Variants in KRT14 observed in about 807,000 individuals in gnomAD.
KRT14 encodes keratin 14.
A neutral mutation model predicts 44.5 loss-of-function variants in KRT14; 30 were observed. The ratio of observed to expected loss-of-function variants is 0.67; its 90% CI spans 0.50 to 0.92. The LOEUF is 0.92. Ranked by LOEUF, KRT14 falls within the 40% of genes least tolerant of loss-of-function variation. The probability of loss-of-function intolerance (pLI) is 0.00; values close to 1 mark genes in which losing one functional copy is unlikely to be tolerated. For synonymous variants in KRT14, 241 were observed against 257.6 expected (o/e 0.94, Z 0.62); for missense variants, 535 against 640.6 (o/e 0.84, Z 1.78).
chr17:41,583,888 C>G lies in KRT14; in HGVS notation c.799G>C (p.Asp267His). Reference sequence around the variant, plus strand: ...GCAGCGTCCATCTCCACATTGACATCTCCACCCACCTGGCCTCTCAGGGCA... The same window carrying G: ...GCAGCGTCCATCTCCACATTGACATGTCCACCCACCTGGCCTCTCAGGGCA... ...MNALRGQVGG[D>H]VNVEMDAAPG... Residue 267 changes from aspartate to histidine, a missense_variant, in exon 4 of 8, where the codon GAT becomes CAT. By Grantham distance (81) the Asp-to-His change is moderately conservative. Transcript: ENST00000167586. 6.2e-7 allele frequency: 1 copy of G among 1,614,002 alleles called. No homozygotes were observed. Among genetic ancestry groups the G allele is most frequent in the East Asian group, 2.2e-5 (1 of 44,872 alleles).
Position 41,586,583 on chromosome 17 carries a change from A to G in KRT14, c.252T>C (p.Phe84=), listed in dbSNP as rs573807721. The G allele has an allele frequency of 2.6e-5, 42 of 1,613,952 alleles. No homozygotes were observed. In the East Asian group the frequency reaches 4.7e-4, roughly 18 times the overall value. ...SSSSSSFGSG[F]GGGYGGGLGA... is the part of the protein sequence containing the mutation. ...CAAGGCCACCACCATATCCTCCCCC[A>G]AAGCCACTACCAAAGCTGCTGCTGC... is the stretch of plus-strand genomic sequence containing the variant. The change falls in exon 1 of 8, where the codon TTT becomes TTC. Residue 84 remains phenylalanine, a synonymous_variant. Coordinates refer to ENST00000167586, the MANE Select transcript of KRT14 (RefSeq NM_000526.5).
chr17:41,586,199 T>C lies in KRT14; in HGVS notation c.525+111A>G. ...ATCCAAGACCTCGAAAGAAGGGATCTGGGGTGGACTCTGTCCTATAGAGAA... is the reference window on the plus strand; with the variant it reads ...ATCCAAGACCTCGAAAGAAGGGATCCGGGGTGGACTCTGTCCTATAGAGAA... On this transcript the variant is annotated intron_variant, in intron 1 of 7. Coordinates refer to ENST00000167586, the MANE Select transcript of KRT14 (RefSeq NM_000526.5). The C allele has an allele frequency of 2.2e-6, 3 of 1,392,336 alleles. No homozygotes were observed. In the African/African-American group the frequency reaches 4.2e-5, roughly 20 times the overall value. 86.2% of individuals were successfully genotyped at this position (1,392,336 alleles called of 1,614,324 possible).
chr17:41,583,191 G>A (rs1907390313), intron 6 of KRT14, 44 bp downstream of exon 6: 5 of 1,610,006 alleles, frequency 3.1e-6, no homozygotes, highest in Non-Finnish European at 4.2e-6. Context: ...GGGGCCGTGA[G>A]AGTGCCATGG....
At chr17:41,584,133 C>G in intron 3 of KRT14, 124 bp downstream of exon 3, 2 of 730,222 alleles carry the variant, frequency 2.7e-6, no homozygotes, top group Non-Finnish European at 4.3e-6. Context: ...AGGCTGGACT[C>G]AAACTCCTGT....
chr17:41,584,000 C>T, intron 3 of KRT14, 79 bp from the exon 4 acceptor site: 2 of 1,459,830 alleles, frequency 1.4e-6, no homozygotes, highest in South Asian at 1.1e-5. Context: ...GAATACTGCC[C>T]TCCCACCATC....
chr17:41,583,245 C>G lies in KRT14; in HGVS notation c.1264G>C (p.Glu422Gln), dbSNP rs58762773. The G allele has an allele frequency of 6.2e-7, 1 of 1,613,320 alleles. No individual in the cohort carries two copies. Among genetic ancestry groups the G allele is most frequent in the Non-Finnish European group, 8.5e-7 (1 of 1,179,986 alleles). ...IATYRRLLEG[E>Q]DAHLSSSQFS... Reference sequence around the variant, plus strand: ...AGGGCCAAGACTCACTGGGCGTCCTCGCCCTCCAGCAGGCGGCGGTAGGTG... The same window carrying G: ...AGGGCCAAGACTCACTGGGCGTCCTGGCCCTCCAGCAGGCGGCGGTAGGTG... The change falls in exon 6 of 8, where the codon GAG becomes CAG. Residue 422 changes from glutamate to glutamine, a missense_variant. Glu to Gln is a conservative substitution (Grantham distance 29, BLOSUM62 2). Transcript: ENST00000167586.
At chr17:41,584,033 TTC>T (rs1162984156) in intron 3 of KRT14, 112 bp from the exon 4 acceptor site, 4,402 of 716,432 alleles carry the variant, frequency 6.1e-3, no homozygotes, top group East Asian at 7.2e-3. Context: ...CGACTCTCCC[TTC>T]TCTCTCTCTC....
In KRT14 at chr17:41,583,642, C is replaced by G; in HGVS notation, c.962G>C (p.Ser321Thr). ...GCTCTTGCCGCTCTGCACCAGCTCG[C>G]TGTTGGTGGCCACCTCGCGGTTCAG... ...EELNREVATN[S>T]ELVQSGKSEI... is the part of the protein sequence containing the mutation. The change falls in exon 5 of 8, where the codon AGC (serine) becomes ACC (threonine). Residue 321 changes from serine (S) to threonine (T), a missense_variant. Coordinates refer to ENST00000167586, the MANE Select transcript of KRT14 (RefSeq NM_000526.5). 6.2e-7 allele frequency: 1 copy of G among 1,614,222 alleles called. No individual in the cohort carries two copies.
chr17:41,586,210 C>G, intron 1 of KRT14, 100 bp downstream of exon 1: 1 of 1,482,778 alleles, frequency 6.7e-7, no homozygotes, highest in Non-Finnish European at 9.4e-7. Context: ...GGGGTGGACT[C>G]TGTCCTATAG....
At chr17:41,584,035 C>G in intron 3 of KRT14, 114 bp from the exon 4 acceptor site, 1 of 661,356 alleles carries the variant, frequency 1.5e-6, no homozygotes, top group East Asian at 3.9e-5. Context: ...ACTCTCCCTT[C>G]TCTCTCTCTC....
Position 41,583,268 on chromosome 17 carries a change from G to T in KRT14, c.1241C>A (p.Thr414Asn), listed in dbSNP as rs146367520. The change falls in exon 6 of 8, where the codon ACC (threonine) becomes AAC (asparagine). Residue 414 changes from threonine to asparagine, a missense_variant. By Grantham distance (65) the Thr-to-Asn change is moderately conservative. Coordinates refer to ENST00000167586, the MANE Select transcript of KRT14 (RefSeq NM_000526.5). ...VKTRLEQEIATYRRLLEGEDA... is the reference protein window; with the variant it reads ...VKTRLEQEIANYRRLLEGEDA... ...CTCGCCCTCCAGCAGGCGGCGGTAG[G>T]TGGCGATCTCCTGCTCCAGCCGCGT... 1.2e-6 allele frequency: 2 copies of T among 1,613,432 alleles called. No homozygotes were observed. Among genetic ancestry groups the T allele is most frequent in the African/African-American group, 2.7e-5 (2 of 74,888 alleles).
rs60589227 is a variant in KRT14 at position 41,584,390 on chromosome 17, C to A, written c.632G>T (p.Arg211Leu). ...ATTGATGTCGGCTTCCACACTCATGCGCAGGTTCAACTCTGTCTCATACCT... is the reference window on the plus strand; with the variant it reads ...ATTGATGTCGGCTTCCACACTCATGAGCAGGTTCAACTCTGTCTCATACCT... ...RTKYETELNL[R>L]MSVEADINGL... is the part of the protein sequence containing the mutation. Residue 211 changes from arginine to leucine, a missense_variant, in exon 3 of 8, where the codon CGC (arginine) becomes CTC (leucine). Transcript: ENST00000167586. 37 of 1,613,940 alleles carry A rather than the reference C, an allele frequency of 2.3e-5. No individual in the cohort carries two copies. In the South Asian group the frequency reaches 4.0e-4, roughly 17 times the overall value.
chr17:41,584,033 T>TTC (rs1162984156), intron 3 of KRT14, 112 bp from the exon 4 acceptor site: 282 of 789,938 alleles, frequency 3.6e-4, no homozygotes, highest in East Asian at 9.5e-4. Context: ...CGACTCTCCC[T>TTC]TCTCTCTCTC....
In KRT14 at chr17:41,584,257, C is replaced by T. The variant is rs534435462; in HGVS notation, c.765G>A (p.Glu255=). Residue 255 remains glutamate, a splice_region_variant and synonymous_variant, in exon 3 of 8, where the codon GAG becomes GAA. Transcript: ENST00000167586. ...ELAYLKKNHE[E]EMNALRGQVG... Reference sequence around the variant, plus strand: ...GCTGACTTTTCCATATAGTTCTCACCTCCTCGTGGTTCTTCTTCAGGTAGG... The same window carrying T: ...GCTGACTTTTCCATATAGTTCTCACTTCCTCGTGGTTCTTCTTCAGGTAGG... The T allele has an allele frequency of 1.2e-6, 2 of 1,613,736 alleles. No homozygotes were observed. Among genetic ancestry groups the T allele is most frequent in the African/African-American group, 1.3e-5 (1 of 74,878 alleles).
rs565122423 is a variant in KRT14, at chr17:41,586,697, G to A, written c.138C>T (p.Tyr46=). ...AGGATGAGACAGACAGGCCGCCCCC[G>A]TAGGTGCTGGGGGCGCGGCAGGACC... ...AGGSCRAPST[Y]GGGLSVSSSR... is the part of the protein sequence containing the mutation. Residue 46 remains tyrosine (Y), a synonymous_variant, in exon 1 of 8, where the codon TAC becomes TAT. Coordinates refer to ENST00000167586, the MANE Select transcript of KRT14 (RefSeq NM_000526.5). 1.8e-5 allele frequency: 28 copies of A among 1,593,864 alleles called. No individual in the cohort carries two copies. In the East Asian group the frequency reaches 3.4e-4, roughly 20 times the overall value.
intron 1 of KRT14, among the ~76,000 whole-genome samples, chr17:41,586,089 C>T (rs1907515352): frequency 6.6e-6 from 1 of 152,204 alleles, no homozygotes; most frequent in African/African-American, 2.4e-5. Context: ...AATCACTGAT[C>T]TCACATGGTC....
At chr17:41,584,122 C>T in intron 3 of KRT14, 135 bp downstream of exon 3, 1 of 819,990 alleles carries the variant, frequency 1.2e-6, no homozygotes, top group Non-Finnish European at 2.0e-6. Flanking sequence ...CCTTGTTGCC[C>T]AGGCTGGACT....
In KRT14 at chr17:41,583,816, A is replaced by G; in HGVS notation, c.871T>C (p.Tyr291His). 1.2e-6 allele frequency: 2 copies of G among 1,614,088 alleles called. No individual in the cohort carries two copies. The highest frequency in any genetic ancestry group is 2.2e-5 in the East Asian group (1 of 44,876). The change falls in exon 4 of 8, where the codon TAT becomes CAT. Residue 291 changes from tyrosine (Y) to histidine (H), a missense_variant. Transcript: ENST00000167586. The part of the protein sequence containing the change: ...SRILNEMRDQ[Y>H]EKMAEKNRKD... ...CGGTTCTTCTCTGCCATCTTCTCAT[A>G]CTGGTCACGCATCTCGTTCAGAATG... is the stretch of plus-strand genomic sequence containing the variant.
At position 41,583,865 on chromosome 17, in the gene KRT14, A is replaced by G; in HGVS notation, c.822T>C (p.Ala274=). ...TGCGGCTCAGGTCCACGCCAGGTGC[A>G]GCGTCCATCTCCACATTGACATCTC... ...VGGDVNVEMD[A]APGVDLSRIL... Residue 274 remains alanine, a synonymous_variant, in exon 4 of 8, where the codon GCT becomes GCC. Coordinates refer to ENST00000167586, the MANE Select transcript of KRT14 (RefSeq NM_000526.5). 6.2e-7 allele frequency: 1 copy of G among 1,614,042 alleles called. No individual in the cohort carries two copies. The highest frequency in any genetic ancestry group is 1.1e-5 in the South Asian group (1 of 91,074).
Sources: allele counts gnomAD v4.1 joint callset (sites outside exome capture counted in the v4.1 genomes callset), GRCh38; gene constraint gnomAD v4.1.1; transcripts MANE v1.5; gene names NCBI Gene and HGNC (gene_info 2026-07-23, HGNC 2026-07-21).